RASGEF1A: variants seen among roughly 807,000 people sequenced by gnomAD.
The protein encoded by RASGEF1A is ras-GEF domain-containing family member 1A.
A neutral mutation model predicts 56.4 loss-of-function variants in RASGEF1A; 18 were observed. The ratio of observed to expected loss-of-function variants is 0.32; its 90% CI spans 0.22 to 0.47. RASGEF1A has a LOEUF of 0.47. Among genes scored for constraint, RASGEF1A ranks in the 20% least tolerant of loss-of-function variants. RASGEF1A has a pLI of 1.00. For synonymous variants in RASGEF1A, 245 were observed against 242.6 expected (o/e 1.01, Z -0.09); for missense variants, 422 against 627.1 (o/e 0.67, Z 3.49).
intron 2 of RASGEF1A, 100 bp downstream of exon 2, chr10:43,205,819 C>T: frequency 1.0e-6 from 1 of 997,170 alleles, no homozygotes; most frequent in Admixed American, 2.1e-5. Flanking sequence ...GCAGCCCTGT[C>T]CAGCTCTACC....
chr10:43,260,993 G>A (rs12098722), intron 1 of RASGEF1A, among the ~76,000 whole-genome samples: 8,299 of 152,206 alleles, frequency 0.055, 694 homozygotes, highest in African/African-American at 0.18. Context: ...GGGCATCTCC[G>A]AGCCAGCACT....
At chr10:43,248,822 G>T (rs1248114260) in intron 1 of RASGEF1A, among the ~76,000 whole-genome samples, 1 of 152,194 alleles carries the variant, frequency 6.6e-6, no homozygotes, top group African/African-American at 2.4e-5. Flanking sequence ...CTAGGCAGTG[G>T]AATATGGTCA....
Position 43,196,192 on chromosome 10 carries a change from T to C in RASGEF1A, c.*52A>G. The stretch of plus-strand genomic sequence containing the variant: ...CATCTCAACCCACATCAGTCAAAAT[T>C]TAAACCCAGTTAGTGCACGTGCTTC... On this transcript the variant is annotated 3_prime_UTR_variant, in exon 13 of 13. Transcript: ENST00000395810. The surrounding 1 kb of genome is among the most constrained non-coding windows in gnomAD (Gnocchi z 4.6). 1 of 1,591,748 alleles carries C rather than the reference T, an allele frequency of 6.3e-7. No homozygotes were observed. The highest frequency in any genetic ancestry group is 8.6e-7 in the Non-Finnish European group (1 of 1,163,858).
chr10:43,219,426 C>T (rs1840178440), intron 1 of RASGEF1A, among the ~76,000 whole-genome samples: 1 of 152,158 alleles, frequency 6.6e-6, no homozygotes, highest in Non-Finnish European at 1.5e-5. Flanking sequence ...GTGAAATCAC[C>T]CCTCTGGGGT....
At chr10:43,255,297 C>T (rs2133227805) in intron 1 of RASGEF1A, among the ~76,000 whole-genome samples, 1 of 152,318 alleles carries the variant, frequency 6.6e-6, no homozygotes, top group Admixed American at 6.5e-5. Context: ...CCTAGGCTGC[C>T]CACTCAGCAT....
rs76038872 is a variant in RASGEF1A at position 43,221,758 on chromosome 10, C to T, written c.-6-15636G>A. ...CCCCTGCAAAACTGCCCACAAGCCTCACCACCAATGAGTGGCGTAGGCAGA... is the reference window on the plus strand; with the variant it reads ...CCCCTGCAAAACTGCCCACAAGCCTTACCACCAATGAGTGGCGTAGGCAGA... On this transcript the variant is annotated intron_variant, in intron 1 of 12. Transcript: ENST00000395810. Among the ~76,000 whole-genome samples the T allele has an allele frequency of 3.1e-3, 471 of 152,384 alleles. 1 individual carries two copies. The highest frequency in any genetic ancestry group is 0.011 in the African/African-American group (441 of 41,598).
chr10:43,255,781 C>T (rs552849300), intron 1 of RASGEF1A, among the ~76,000 whole-genome samples: 103 of 152,166 alleles, frequency 6.8e-4, no homozygotes, highest in Non-Finnish European at 1.2e-3. Context: ...CAAGTGTTGG[C>T]TCAGGACCAC....
At chr10:43,243,841 C>T (rs185510866) in intron 1 of RASGEF1A, among the ~76,000 whole-genome samples, 2,668 of 152,148 alleles carry the variant, frequency 0.018, 71 homozygotes, top group African/African-American at 0.061. Flanking sequence ...GTGAGGAGCG[C>T]CTCTGCCAGG....
intron 1 of RASGEF1A, among the ~76,000 whole-genome samples, chr10:43,209,699 A>G (rs1447091328): frequency 6.6e-6 from 1 of 152,026 alleles, no homozygotes; most frequent in African/African-American, 2.4e-5. Context: ...CACCAGGGCT[A>G]GGCAGAGATA....
chr10:43,214,666 G>A (rs988627480), intron 1 of RASGEF1A, among the ~76,000 whole-genome samples: 1 of 152,226 alleles, frequency 6.6e-6, no homozygotes, highest in South Asian at 2.1e-4. Flanking sequence ...CCAAAGGGAA[G>A]AGCAGTATAA....
intron 1 of RASGEF1A, among the ~76,000 whole-genome samples, chr10:43,266,354 C>T (rs1407782219): frequency 6.6e-6 from 1 of 152,188 alleles, no homozygotes; most frequent in Admixed American, 6.5e-5. Context: ...GCTCAAGCCC[C>T]AATTCCTCGC....
intron 1 of RASGEF1A, among the ~76,000 whole-genome samples, chr10:43,228,856 C>G (rs913386082): frequency 6.6e-6 from 1 of 152,216 alleles, no homozygotes; most frequent in Admixed American, 6.5e-5. Context: ...AGCAGGGGCC[C>G]GATAAATGCA....
chr10:43,211,803 C>CTCTG (rs1173148701), intron 1 of RASGEF1A, among the ~76,000 whole-genome samples: 8 of 152,234 alleles, frequency 5.3e-5, no homozygotes. Flanking sequence ...AGAGAACAGG[C>CTCTG]TCTGTCCCCA....
intron 1 of RASGEF1A, among the ~76,000 whole-genome samples, chr10:43,213,668 C>T (rs891067382): frequency 6.6e-6 from 1 of 152,268 alleles, no homozygotes; most frequent in South Asian, 2.1e-4. Flanking sequence ...GCTCTGTGGC[C>T]CAGGCTGGAG....
intron 1 of RASGEF1A, among the ~76,000 whole-genome samples, chr10:43,256,929 G>A (rs1287007035): frequency 6.6e-6 from 1 of 152,154 alleles, no homozygotes; most frequent in Non-Finnish European, 1.5e-5. Context: ...TCCCAGGGTG[G>A]CTGCCTTCAT....
chr10:43,264,782 C>T (rs1836595299), intron 1 of RASGEF1A, among the ~76,000 whole-genome samples: 1 of 151,904 alleles, frequency 6.6e-6, no homozygotes, highest in Non-Finnish European at 1.5e-5. Context: ...CTGGGGTGGG[C>T]CATGCAGAGA....
intron 2 of RASGEF1A, among the ~76,000 whole-genome samples, chr10:43,205,150 G>C (rs572095751): frequency 1.3e-5 from 2 of 152,318 alleles, no homozygotes; most frequent in South Asian, 4.1e-4. Context: ...CCTGCAAGCT[G>C]TCTGACTCCC....
chr10:43,265,740 G>A (rs530227141), intron 1 of RASGEF1A, among the ~76,000 whole-genome samples: 43 of 152,332 alleles, frequency 2.8e-4, no homozygotes, highest in African/African-American at 8.9e-4. Context: ...GTAGCCTTTC[G>A]GCTGGAGGCC....
intron 1 of RASGEF1A, chr10:43,209,144 C>T (rs1840033551): frequency 2.0e-6 from 2 of 985,368 alleles, no homozygotes; most frequent in South Asian, 9.4e-5. Flanking sequence ...AAGAATTGCA[C>T]ACTGGGCTCT....
Sources: allele counts gnomAD v4.1 joint callset (sites outside exome capture counted in the v4.1 genomes callset), GRCh38; gene constraint gnomAD v4.1.1; non-coding constraint Gnocchi (gnomAD v3.1); transcripts MANE v1.5; gene names NCBI Gene and HGNC (gene_info 2026-07-23, HGNC 2026-07-21).